Variants in GPHN observed in about 807,000 individuals in gnomAD.
The protein encoded by GPHN is gephyrin.
A neutral mutation model predicts 95.5 loss-of-function variants in GPHN; 17 were observed. That is an observed-to-expected ratio of 0.18 (90% confidence interval 0.12 to 0.27). The LOEUF is 0.27. Ranked by LOEUF, GPHN falls within the 10% of genes least tolerant of loss-of-function variation. The pLI is 1.00. For missense variants in GPHN, 660 were observed against 978.1 expected (o/e 0.67, Z 4.34); for synonymous variants, 320 against 322.5 (o/e 0.99, Z 0.08).
chr14:66,520,935 T>C (rs779453707), intron 1 of GPHN, among the ~76,000 whole-genome samples: 3 of 152,082 alleles, frequency 2.0e-5, no homozygotes, highest in Non-Finnish European at 2.9e-5. Flanking sequence ...CCCCCACTTA[T>C]AAGTGAGAAC....
At chr14:66,665,068 G>A (rs1319170574) in intron 1 of GPHN, among the ~76,000 whole-genome samples, 3 of 151,360 alleles carry the variant, frequency 2.0e-5, no homozygotes, top group Non-Finnish European at 4.4e-5. Flanking sequence ...AGAAGAGCTG[G>A]TACCATTCCT....
chr14:66,862,092 C>T (rs972274250), intron 4 of GPHN, among the ~76,000 whole-genome samples: 7 of 151,630 alleles, frequency 4.6e-5, no homozygotes, highest in South Asian at 4.2e-4. Context: ...AAACCTTTAA[C>T]CAGAATAACT....
At chr14:67,438,010 G>A in the GPHN span, among the ~76,000 whole-genome samples, 1 of 152,114 alleles carries the variant, frequency 6.6e-6, no homozygotes, top group Non-Finnish European at 1.5e-5. Context: ...TAGTACCAAG[G>A]AGCCAGTTTG....
the GPHN span, among the ~76,000 whole-genome samples, chr14:67,543,395 A>AGGGTACTGCC: frequency 6.6e-6 from 1 of 152,198 alleles, no homozygotes; most frequent in Non-Finnish European, 1.5e-5. Flanking sequence ...AGAGATGTGC[A>AGGGTACTGCC]GGGTACTGCC....
chr14:66,788,369 A>C (rs1326953165), intron 3 of GPHN, among the ~76,000 whole-genome samples: 1 of 152,232 alleles, frequency 6.6e-6, no homozygotes, highest in Non-Finnish European at 1.5e-5. Context: ...TTGACAAATC[A>C]TGTTTTTAAC....
the GPHN span, chr14:67,674,802 C>T: frequency 4.0e-6 from 1 of 251,514 alleles, no homozygotes; most frequent in Non-Finnish European, 7.6e-6. Flanking sequence ...AGTGCCGGGT[C>T]CGGGTTGGGG....
At chr14:67,724,396 T>C in the GPHN span, 2 of 647,320 alleles carry the variant, frequency 3.1e-6, no homozygotes, top group Non-Finnish European at 4.5e-6. Flanking sequence ...GATAGAGTTT[T>C]TTTTTTTTTT....
intron 8 of GPHN, among the ~76,000 whole-genome samples, chr14:66,961,941 TATATATA>T (rs2068964161): frequency 1.2e-5 from 1 of 81,470 alleles, no homozygotes; most frequent in Non-Finnish European, 1.9e-5. Flanking sequence ...TATATATATA[TATATATA>T]CACATATCTC....
chr14:67,701,909 C>G, the GPHN span: 2 of 152,182 alleles, frequency 1.3e-5, no homozygotes, highest in Admixed American at 6.5e-5. Context: ...CCTCCCTTCT[C>G]AGCTTCCTGA....
At chr14:67,589,673 G>A in the GPHN span, 220,228 of 988,922 alleles carry the variant, frequency 0.22, 26,383 homozygotes, top group Non-Finnish European at 0.24. Flanking sequence ...TGTTTTTTTC[G>A]TAACTTTACA....
rs1014942498 is a variant in GPHN at position 67,088,863 on chromosome 14, G to C, written c.1145-120G>C. On this transcript the variant is annotated intron_variant, in intron 11 of 22. Coordinates refer to ENST00000478722, the MANE Select transcript of GPHN (RefSeq NM_020806.5). ...CTGTTTCTTGGGACAGAAATCAGGA[G>C]TTCTGACTGAGCCCATTTACAAGCT... The C allele has an allele frequency of 5.7e-6, 4 of 706,894 alleles. No homozygotes were observed. In the African/African-American group the frequency reaches 7.0e-5, roughly 12 times the overall value. 43.8% of individuals were successfully genotyped at this position (706,894 alleles called of 1,614,324 possible).
At chr14:67,259,585 T>C in the GPHN span, among the ~76,000 whole-genome samples, 1 of 151,842 alleles carries the variant, frequency 6.6e-6, no homozygotes, top group Non-Finnish European at 1.5e-5. Context: ...GCACTTCAGT[T>C]TGGGCAACAG....
chr14:66,969,018 T>C (rs1354723392), intron 9 of GPHN: 1 of 151,204 alleles, frequency 6.6e-6, no homozygotes, highest in East Asian at 1.9e-4. Flanking sequence ...GGTCTTGATT[T>C]CTTTTTGTTT....
At chr14:67,417,804 C>T in the GPHN span, among the ~76,000 whole-genome samples, 3 of 151,790 alleles carry the variant, frequency 2.0e-5, no homozygotes, top group South Asian at 4.2e-4. Context: ...AATGCAGTGC[C>T]GCAATCACAG....
intron 10 of GPHN, among the ~76,000 whole-genome samples, chr14:67,047,650 G>A (rs939957050): frequency 6.6e-5 from 10 of 152,124 alleles, no homozygotes; most frequent in African/African-American, 2.2e-4. Flanking sequence ...ACAGACATGA[G>A]CCATTGCACC....
the GPHN span, among the ~76,000 whole-genome samples, chr14:67,674,165 AG>A: frequency 6.6e-6 from 1 of 152,260 alleles, no homozygotes; most frequent in Non-Finnish European, 1.5e-5. Context: ...GGAAGGCCAT[AG>A]AAGGATCCCA....
intron 20 of GPHN, among the ~76,000 whole-genome samples, chr14:67,166,732 C>T (rs988993432): frequency 2.0e-5 from 3 of 152,144 alleles, no homozygotes; most frequent in Non-Finnish European, 2.9e-5. Flanking sequence ...TGCAGCAGCG[C>T]GATCTCAGCT....
intron 6 of GPHN, among the ~76,000 whole-genome samples, chr14:66,920,605 T>G (rs945706248): frequency 3.6e-4 from 55 of 151,980 alleles, no homozygotes; most frequent in African/African-American, 1.2e-3. Flanking sequence ...TTTTTTTATT[T>G]TTCCATAAGT....
At chr14:67,016,413 A>C (rs963949149) in intron 9 of GPHN, among the ~76,000 whole-genome samples, 2 of 152,110 alleles carry the variant, frequency 1.3e-5, no homozygotes, top group African/African-American at 4.8e-5. Context: ...ATCATTATAA[A>C]CATAAAAAGA....
Sources: allele counts gnomAD v4.1 joint callset (sites outside exome capture counted in the v4.1 genomes callset), GRCh38; gene constraint gnomAD v4.1.1; transcripts MANE v1.5; gene names NCBI Gene and HGNC (gene_info 2026-07-23, HGNC 2026-07-21).